Variants in EPB41L2 observed in about 807,000 individuals in gnomAD.
The protein encoded by EPB41L2 is band 4.1-like protein 2.
In EPB41L2, 43 loss-of-function variants were observed where a neutral mutation model predicts 113.0. The observed-to-expected ratio is 0.38, with a 90% CI of 0.30 to 0.49. EPB41L2 has a LOEUF of 0.49. Among genes scored for constraint, EPB41L2 ranks in the 20% least tolerant of loss-of-function variants. EPB41L2 has a pLI of 0.95. For synonymous variants in EPB41L2, 442 were observed against 436.7 expected (o/e 1.01, Z -0.15); for missense variants, 1,147 against 1,223.4 (o/e 0.94, Z 0.93).
intron 3 of EPB41L2, among the ~76,000 whole-genome samples, chr6:130,937,469 G>C (rs1205776119): frequency 1.3e-5 from 2 of 152,160 alleles, no homozygotes; most frequent in African/African-American, 4.8e-5. Flanking sequence ...CAAAGACCCA[G>C]ATAGAAAAGC....
At chr6:130,855,070 C>T (rs1217620889) in intron 19 of EPB41L2, among the ~76,000 whole-genome samples, 1 of 150,920 alleles carries the variant, frequency 6.6e-6, no homozygotes, top group Non-Finnish European at 1.5e-5. Flanking sequence ...ATTAGGGGGC[C>T]AGGCACAGTG....
chr6:130,923,373 G>T (rs1212804814), intron 4 of EPB41L2, among the ~76,000 whole-genome samples: 1 of 152,132 alleles, frequency 6.6e-6, no homozygotes, highest in Non-Finnish European at 1.5e-5. Flanking sequence ...TTAGCAAAAA[G>T]GAAATGTCCC....
intron 3 of EPB41L2, among the ~76,000 whole-genome samples, chr6:130,952,222 T>C (rs1194356363): frequency 2.6e-5 from 4 of 152,030 alleles, no homozygotes; most frequent in Admixed American, 2.0e-4. Context: ...TTTTATCAAT[T>C]TCATTTATTA....
At chr6:130,974,314 T>TA (rs1777611178) in intron 1 of EPB41L2, among the ~76,000 whole-genome samples, 1 of 152,090 alleles carries the variant, frequency 6.6e-6, no homozygotes, top group Admixed American at 6.5e-5. Context: ...TTCTACAACT[T>TA]AGAGTAACTG....
rs76682195 is a variant in EPB41L2 at position 130,885,265 on chromosome 6, G to A, written c.1664C>T (p.Pro555Leu). The change falls in exon 12 of 20, where the codon CCG becomes CTG. Residue 555 changes from proline to leucine, a missense_variant. By Grantham distance (98) the Pro-to-Leu change is moderately conservative. Coordinates refer to ENST00000337057, the MANE Select transcript of EPB41L2 (RefSeq NM_001431.4). ...AAGACTTTGGTCCATGACACCAATC[G>A]GAGCTAGTAAAGAGTGACAATTTTG... ...KRVSRSLDGA[P>L]IGVMDQSLMK... The A allele has an allele frequency of 1.7e-3, 2,691 of 1,613,910 alleles. 22 individuals are homozygous for A. In the African/African-American group the frequency reaches 0.027, roughly 16 times the overall value.
At chr6:130,853,270 A>T (rs924425890) in intron 19 of EPB41L2, among the ~76,000 whole-genome samples, 1 of 152,098 alleles carries the variant, frequency 6.6e-6, no homozygotes, top group Non-Finnish European at 1.5e-5. Context: ...ACCTGACATC[A>T]ATTATTACTC....
chr6:130,876,621 CA>C (rs1370988938), intron 14 of EPB41L2: 10 of 1,126,896 alleles, frequency 8.9e-6, no homozygotes, highest in Non-Finnish European at 1.2e-5. Context: ...TGGATAGAAA[CA>C]AAAGGAAAGG....
chr6:130,961,305 G>C (rs1773458712), intron 1 of EPB41L2, among the ~76,000 whole-genome samples: 1 of 152,172 alleles, frequency 6.6e-6, no homozygotes, highest in African/African-American at 2.4e-5. Context: ...CTCCATCTGG[G>C]TTGATAAAAG....
intron 1 of EPB41L2, among the ~76,000 whole-genome samples, chr6:131,003,800 A>G (rs1369945447): frequency 2.0e-5 from 3 of 152,200 alleles, no homozygotes; most frequent in African/African-American, 7.2e-5. Context: ...TTTCAAAAGC[A>G]TGGGCAGGTT....
intron 18 of EPB41L2, among the ~76,000 whole-genome samples, chr6:130,862,083 A>G (rs548430505): frequency 6.6e-6 from 1 of 152,282 alleles, no homozygotes; most frequent in Middle Eastern, 3.4e-3. Context: ...TTATTTTGGC[A>G]CTTGTATTTC....
chr6:130,882,018 C>T (rs1306170503), intron 12 of EPB41L2: 3 of 152,160 alleles, frequency 2.0e-5, no homozygotes, highest in Non-Finnish European at 4.4e-5. Flanking sequence ...GATGCTAGAA[C>T]ACACTTGGGT....
chr6:130,991,903 T>A (rs1412970965), intron 1 of EPB41L2, among the ~76,000 whole-genome samples: 1 of 152,176 alleles, frequency 6.6e-6, no homozygotes, highest in East Asian at 1.9e-4. Context: ...ATGGTTATAA[T>A]TTGTTTCTCT....
chr6:130,861,637 C>G (rs1181321933), intron 18 of EPB41L2, among the ~76,000 whole-genome samples: 1 of 151,920 alleles, frequency 6.6e-6, no homozygotes, highest in Non-Finnish European at 1.5e-5. Flanking sequence ...TTTGGGATGC[C>G]GAGGAGTGTG....
chr6:130,916,031 GT>G (rs1405853778), intron 4 of EPB41L2, among the ~76,000 whole-genome samples: 4 of 152,158 alleles, frequency 2.6e-5, no homozygotes, highest in African/African-American at 9.6e-5. Flanking sequence ...TTTTGGGAAT[GT>G]TATTTAGTTA....
chr6:130,858,000 A>T, intron 19 of EPB41L2, 131 bp downstream of exon 19: 1 of 730,528 alleles, frequency 1.4e-6, no homozygotes, highest in East Asian at 2.7e-5. Context: ...CCTGGGGATG[A>T]TAACAGTCTA....
chr6:130,960,644 G>A (rs1773253174), intron 1 of EPB41L2, among the ~76,000 whole-genome samples: 2 of 152,148 alleles, frequency 1.3e-5, no homozygotes. Context: ...ACATATTCTT[G>A]AAACAGTTTC....
chr6:131,035,196 C>T (rs1469692596), intron 1 of EPB41L2, among the ~76,000 whole-genome samples: 1 of 152,176 alleles, frequency 6.6e-6, no homozygotes, highest in Non-Finnish European at 1.5e-5. Flanking sequence ...TTCAGGACTA[C>T]TTAAGGAAGG....
chr6:131,015,499 A>T (rs1307541067), intron 1 of EPB41L2, among the ~76,000 whole-genome samples: 1 of 152,246 alleles, frequency 6.6e-6, no homozygotes, highest in South Asian at 2.1e-4. Flanking sequence ...CAGTTTAAAC[A>T]TGGGTTTCCT....
intron 12 of EPB41L2, chr6:130,883,316 A>C (rs1789899934): frequency 1.3e-5 from 2 of 152,420 alleles, no homozygotes; most frequent in Admixed American, 1.3e-4. Context: ...ATATTAACAC[A>C]GTGTAGTTAG....
Sources: allele counts gnomAD v4.1 joint callset (sites outside exome capture counted in the v4.1 genomes callset), GRCh38; gene constraint gnomAD v4.1.1; transcripts MANE v1.5; gene names NCBI Gene and HGNC (gene_info 2026-07-23, HGNC 2026-07-21).